The following CCDC102B variants were observed in gnomAD, a reference collection of about 807,000 sequenced individuals.
The protein encoded by CCDC102B is coiled-coil domain-containing protein 102B.
CCDC102B carries 75 observed loss-of-function variants against 57.4 expected under a neutral mutation model. That is an observed-to-expected ratio of 1.31 (90% CI 1.08 to 1.58). The LOEUF (loss-of-function observed/expected upper bound fraction) is 1.58. Ranked by LOEUF, CCDC102B falls within the 40% of genes most tolerant of loss-of-function variation. The pLI is 0.00. For synonymous variants in CCDC102B, 206 were observed against 201.9 expected (o/e 1.02, Z -0.17); for missense variants, 636 against 582.6 (o/e 1.09, Z -0.94).
intron 6 of CCDC102B, among the ~76,000 whole-genome samples, chr18:69,009,042 C>G (rs1201667798): frequency 2.0e-5 from 3 of 152,122 alleles, no homozygotes; most frequent in African/African-American, 7.2e-5. Flanking sequence ...ACATTTCACA[C>G]AGCTATGAGT....
chr18:68,764,193 A>T (rs1440824264), intron 2 of CCDC102B, among the ~76,000 whole-genome samples: 2 of 152,018 alleles, frequency 1.3e-5, no homozygotes, highest in Non-Finnish European at 2.9e-5. Context: ...CCTTTCTGTT[A>T]TTTCCCTTCC....
At chr18:68,742,825 A>G (rs2033448526) in intron 2 of CCDC102B, among the ~76,000 whole-genome samples, 1 of 152,228 alleles carries the variant, frequency 6.6e-6, no homozygotes. Context: ...GAGACAGCAC[A>G]GTAATCATCT....
In CCDC102B at chr18:68,790,121, T is replaced by G. The variant is rs1263971007; in HGVS notation, c.-66-33245T>G. 3.3e-5 allele frequency among the ~76,000 whole-genome samples: 5 copies of G among 149,830 alleles called. 1 individual carries two copies. Among genetic ancestry groups the G allele is most frequent in the South Asian group, 2.1e-4 (1 of 4,780 alleles). On this transcript the variant is annotated intron_variant, in intron 2 of 3. Coordinates refer to the CCDC102B transcript ENST00000578970. Reference sequence around the variant, plus strand: ...GTGTCAGTCTGCCCCTGCTGGGGGGTGCCTCCCAGTTAGGCTGCTCAGGGG... The same window carrying G: ...GTGTCAGTCTGCCCCTGCTGGGGGGGGCCTCCCAGTTAGGCTGCTCAGGGG...
chr18:68,880,298 C>G (rs1599624914), intron 5 of CCDC102B, among the ~76,000 whole-genome samples: 2 of 152,198 alleles, frequency 1.3e-5, no homozygotes, highest in East Asian at 3.9e-4. Flanking sequence ...AGTGCGGGGC[C>G]CACCAAGCCC....
chr18:68,958,707 CTGAT>C (rs1014351739), intron 6 of CCDC102B, among the ~76,000 whole-genome samples: 2 of 151,922 alleles, frequency 1.3e-5, no homozygotes, highest in African/African-American at 4.8e-5. Flanking sequence ...TCTGTCTTCT[CTGAT>C]TGTGTATTTA....
chr18:68,750,446 T>C (rs1239118093), intron 2 of CCDC102B, among the ~76,000 whole-genome samples: 1 of 152,208 alleles, frequency 6.6e-6, no homozygotes, highest in African/African-American at 2.4e-5. Flanking sequence ...TTAGTGGGTA[T>C]ATATCCAAAG....
At chr18:68,912,706 G>A (rs536618207) in intron 6 of CCDC102B, among the ~76,000 whole-genome samples, 90 of 152,208 alleles carry the variant, frequency 5.9e-4, no homozygotes, top group African/African-American at 2.0e-3. Flanking sequence ...GGCTGGAAAG[G>A]AAAAGAAAAA....
At chr18:68,815,673 T>TACACACACACACAC (rs1297745318) in intron 1 of CCDC102B, among the ~76,000 whole-genome samples, 1 of 48,750 alleles carries the variant, frequency 2.1e-5, no homozygotes, top group Non-Finnish European at 3.9e-5. Flanking sequence ...CACCTCCATT[T>TACACACACACACAC]ACATACACAC....
At chr18:68,800,824 T>C in intron 1 of CCDC102B, among the ~76,000 whole-genome samples, 1 of 152,188 alleles carries the variant, frequency 6.6e-6, no homozygotes, top group East Asian at 1.9e-4. Context: ...TAATAGATAG[T>C]GTGAAATACA....
intron 2 of CCDC102B, among the ~76,000 whole-genome samples, chr18:68,787,398 G>C (rs2035253668): frequency 1.3e-5 from 2 of 151,352 alleles, no homozygotes; most frequent in South Asian, 4.2e-4. Context: ...GTTTCAGAAG[G>C]AATGGTCCCA....
intron 2 of CCDC102B, among the ~76,000 whole-genome samples, chr18:68,756,691 C>T (rs2034062623): frequency 6.6e-6 from 1 of 152,044 alleles, no homozygotes; most frequent in African/African-American, 2.4e-5. Flanking sequence ...AAACAATGAT[C>T]AAGGCAGAAA....
At chr18:69,041,360 T>G (rs1286625124) in intron 7 of CCDC102B, among the ~76,000 whole-genome samples, 1 of 152,076 alleles carries the variant, frequency 6.6e-6, no homozygotes, top group Non-Finnish European at 1.5e-5. Context: ...CGATAGTGTA[T>G]CTTGCACTTA....
chr18:68,967,682 T>C (rs888238005), intron 6 of CCDC102B, among the ~76,000 whole-genome samples: 2 of 152,120 alleles, frequency 1.3e-5, no homozygotes, highest in Non-Finnish European at 2.9e-5. Context: ...TTATGAAACG[T>C]TTATGTATAA....
rs1354847625 is a variant in CCDC102B, at chr18:68,983,192, G to C, written c.1264-27742G>C. Among the ~76,000 whole-genome samples, 6 of 151,492 alleles carry C rather than the reference G, an allele frequency of 4.0e-5. No homozygotes were observed. The South Asian group carries it at 1.2e-3, about 31-fold the overall frequency. ...TTTTAGTATCATTTATATAATTTGG[G>C]TGAGTATATGAGCTCTTTCAGACAT... On this transcript the variant is annotated intron_variant, in intron 6 of 7. Coordinates refer to ENST00000360242, the MANE Select transcript of CCDC102B (RefSeq NM_024781.3).
At chr18:68,764,371 G>T (rs2034357004) in intron 2 of CCDC102B, among the ~76,000 whole-genome samples, 1 of 152,142 alleles carries the variant, frequency 6.6e-6, no homozygotes, top group Non-Finnish European at 1.5e-5. Context: ...AGGAAAGTTT[G>T]CATGACTTCT....
intron 2 of CCDC102B, among the ~76,000 whole-genome samples, chr18:68,748,537 C>T (rs1358324391): frequency 1.3e-5 from 2 of 152,098 alleles, no homozygotes; most frequent in African/African-American, 2.4e-5. Context: ...ATTCTTTCAT[C>T]AGCAGTAGGG....
rs201355826 is a variant in CCDC102B at position 69,001,417 on chromosome 18, T to TA, written c.1264-9516dup. 3.0e-3 allele frequency among the ~76,000 whole-genome samples: 449 copies of TA among 152,182 alleles called. 6 individuals carry two copies. Among genetic ancestry groups the TA allele is most frequent in the African/African-American group, 0.01 (434 of 41,508 alleles). On this transcript the variant is annotated intron_variant, in intron 6 of 7. Coordinates refer to ENST00000360242, the MANE Select transcript of CCDC102B (RefSeq NM_024781.3). ...TTAGTTCAGCTAAAGACAGGCTTTT[T>TA]ATCACATGACCATGAAAAATTAGGC...
At chr18:68,756,550 A>G (rs1035148214) in intron 2 of CCDC102B, among the ~76,000 whole-genome samples, 4 of 152,216 alleles carry the variant, frequency 2.6e-5, no homozygotes, top group African/African-American at 9.6e-5. Context: ...TGACACGTAT[A>G]GTAGACAATG....
At position 68,866,539 on chromosome 18, in the gene CCDC102B, A is replaced by G. The variant is rs2038988497; in HGVS notation, c.937-8130A>G. 2.6e-5 allele frequency: 5 copies of G among 191,140 alleles called. No individual in the cohort carries two copies. In the South Asian group the frequency reaches 4.9e-4, roughly 19 times the overall value. 11.8% of individuals were successfully genotyped at this position (191,140 alleles called of 1,614,324 possible). ...AAGATGGTTGTACTCTTGCAAAGAC[A>G]TGTTGGCTGTCCTTGCCTCTGAGCC... On this transcript the variant is annotated intron_variant, in intron 4 of 7. Coordinates refer to ENST00000360242, the MANE Select transcript of CCDC102B (RefSeq NM_024781.3).
Sources: gnomAD v4.1 joint callset for allele counts (sites outside exome capture counted in the v4.1 genomes callset) on GRCh38, gnomAD v4.1.1 for gene constraint, MANE v1.5 for transcripts, NCBI Gene and HGNC (gene_info 2026-07-23, HGNC 2026-07-21) for gene names.